Variants in SAMSN1 observed in about 807,000 individuals in gnomAD.
SAMSN1 encodes the protein SAM domain-containing protein SAMSN-1.
Under a neutral mutation model 42.0 loss-of-function variants are expected in SAMSN1, and 31 were observed. The ratio of observed to expected loss-of-function variants is 0.74; its 90% CI spans 0.55 to 1.00. SAMSN1 has a LOEUF of 1.00. Among genes scored for constraint, SAMSN1 ranks in the 50% least tolerant of loss-of-function variants. The probability of loss-of-function intolerance (pLI) is 0.00; values close to 1 mark genes in which losing one functional copy is unlikely to be tolerated. For missense variants in SAMSN1, 464 were observed against 439.4 expected, an observed-to-expected ratio of 1.06 and a Z score of -0.50; for synonymous variants, 178 against 151.9, an observed-to-expected ratio of 1.17 and a Z score of -1.26.
chr21:14,527,520 C>T (rs1366517585), intron 1 of SAMSN1, among the ~76,000 whole-genome samples: 1 of 152,142 alleles, frequency 6.6e-6, no homozygotes, highest in Non-Finnish European at 1.5e-5. Flanking sequence ...TAAATATTTT[C>T]AACGTACATC....
intron 2 of SAMSN1, among the ~76,000 whole-genome samples, chr21:14,518,143 C>T (rs997976512): frequency 6.6e-6 from 1 of 152,240 alleles, no homozygotes; most frequent in African/African-American, 2.4e-5. Flanking sequence ...GAATTTCTTC[C>T]TTCAGTCGTC....
At chr21:14,568,027 T>A (rs914759219) in intron 2 of SAMSN1, among the ~76,000 whole-genome samples, 1 of 152,150 alleles carries the variant, frequency 6.6e-6, no homozygotes, top group African/African-American at 2.4e-5. Context: ...GCATAAAATA[T>A]CACCTAAGCA....
chr21:14,598,493 T>C (rs1318680816), intron 6 of SAMSN1, among the ~76,000 whole-genome samples: 2 of 152,186 alleles, frequency 1.3e-5, no homozygotes, highest in African/African-American at 4.8e-5. Flanking sequence ...CTAAGCAGAC[T>C]GCTTTGCTTC....
intron 5 of SAMSN1, among the ~76,000 whole-genome samples, chr21:14,604,187 C>A (rs1021687023): frequency 6.6e-6 from 1 of 152,138 alleles, no homozygotes; most frequent in Non-Finnish European, 1.5e-5. Flanking sequence ...TCTATTTGGT[C>A]CTAAGTAGCA....
chr21:14,577,180 C>G (rs1195593016), intron 2 of SAMSN1, among the ~76,000 whole-genome samples: 2 of 128,932 alleles, frequency 1.6e-5, no homozygotes, highest in Non-Finnish European at 3.2e-5. Context: ...CTCAGCCTCT[C>G]GAGTAGCTGG....
At chr21:14,635,008 G>A (rs1375017649) in intron 2 of SAMSN1, among the ~76,000 whole-genome samples, 1 of 152,138 alleles carries the variant, frequency 6.6e-6, no homozygotes, top group Non-Finnish European at 1.5e-5. Flanking sequence ...GCCATAAAGA[G>A]GAATGAGATC....
At chr21:14,657,360 T>A (rs985181413) in intron 1 of SAMSN1, among the ~76,000 whole-genome samples, 1 of 151,734 alleles carries the variant, frequency 6.6e-6, no homozygotes, top group Admixed American at 6.6e-5. Context: ...AGAGTTACAG[T>A]CATATTGAGT....
chr21:14,493,969 G>T (rs1324200914), intron 7 of SAMSN1, among the ~76,000 whole-genome samples: 4 of 152,108 alleles, frequency 2.6e-5, no homozygotes, highest in Admixed American at 6.5e-5. Context: ...TCATCAGCTT[G>T]TTGGAGAAGC....
intron 3 of SAMSN1, among the ~76,000 whole-genome samples, chr21:14,516,032 G>T (rs1468930192): frequency 2.0e-5 from 3 of 152,172 alleles, no homozygotes; most frequent in Non-Finnish European, 4.4e-5. Flanking sequence ...ATGATGCAGA[G>T]AAATTGGAAC....
intron 5 of SAMSN1, chr21:14,609,376 A>G: frequency 2.9e-6 from 2 of 685,264 alleles, no homozygotes; most frequent in Admixed American, 2.2e-5. Context: ...TAAGTAGACC[A>G]TAATGGTCTG....
chr21:14,502,304 C>T (rs1216266477), intron 5 of SAMSN1, among the ~76,000 whole-genome samples: 1 of 152,124 alleles, frequency 6.6e-6, no homozygotes, highest in African/African-American at 2.4e-5. Context: ...TGGATGGTAT[C>T]AGCTAGGGAG....
intron 2 of SAMSN1, among the ~76,000 whole-genome samples, chr21:14,578,433 G>A (rs1454258271): frequency 6.6e-6 from 1 of 151,972 alleles, no homozygotes; most frequent in East Asian, 1.9e-4. Context: ...AAACTCTGAT[G>A]TAATAATAGA....
chr21:14,595,641 T>C (rs1982238618), intron 6 of SAMSN1, among the ~76,000 whole-genome samples: 1 of 152,300 alleles, frequency 6.6e-6, no homozygotes, highest in African/African-American at 2.4e-5. Flanking sequence ...GTCACTATTT[T>C]ACACATAAGG....
chr21:14,609,009 AT>A (rs1396950230), intron 5 of SAMSN1, among the ~76,000 whole-genome samples: 2 of 151,986 alleles, frequency 1.3e-5, no homozygotes, highest in Non-Finnish European at 2.9e-5. Context: ...CTGACTCCTA[AT>A]TTGCTCTCCT....
At chr21:14,655,435 T>C (rs1336019661) in intron 1 of SAMSN1, among the ~76,000 whole-genome samples, 3 of 151,674 alleles carry the variant, frequency 2.0e-5, no homozygotes, top group Non-Finnish European at 4.4e-5. Flanking sequence ...GTTTTTAAAA[T>C]CCTAAATAAA....
intron 2 of SAMSN1, among the ~76,000 whole-genome samples, chr21:14,621,284 C>G (rs1467706484): frequency 6.6e-6 from 1 of 152,172 alleles, no homozygotes; most frequent in Non-Finnish European, 1.5e-5. Flanking sequence ...CTGGGTTCAT[C>G]TCACAGGGGC....
chr21:14,592,515 G>T, intron 7 of SAMSN1: 1 of 210,110 alleles, frequency 4.8e-6, no homozygotes. Context: ...TCTCCTCTCT[G>T]CACTTCAGCC....
chr21:14,633,776 T>G (rs1983390949), intron 2 of SAMSN1, among the ~76,000 whole-genome samples: 1 of 152,214 alleles, frequency 6.6e-6, no homozygotes, highest in Non-Finnish European at 1.5e-5. Context: ...TCTGAGGTCA[T>G]GGATGCTGCC....
intron 1 of SAMSN1, among the ~76,000 whole-genome samples, chr21:14,654,594 G>C (rs1345339888): frequency 6.6e-6 from 1 of 151,958 alleles, no homozygotes; most frequent in African/African-American, 2.4e-5. Context: ...GCTGAAAAAA[G>C]CTTCTGCCAA....
Sources: allele counts gnomAD v4.1 joint callset (sites outside exome capture counted in the v4.1 genomes callset), GRCh38; gene constraint gnomAD v4.1.1; transcripts MANE v1.5; gene names NCBI Gene and HGNC (gene_info 2026-07-23, HGNC 2026-07-21).